CAMK1D: variants seen among roughly 807,000 people sequenced by gnomAD.
CAMK1D encodes the protein calcium/calmodulin dependent protein kinase ID.
CAMK1D carries 9 observed loss-of-function variants against 47.7 expected under a neutral mutation model. That is an observed-to-expected ratio of 0.19 (90% CI 0.11 to 0.33). CAMK1D has a LOEUF of 0.33. Among genes scored for constraint, CAMK1D ranks in the 10% least tolerant of loss-of-function variants. The pLI, the probability that CAMK1D is intolerant of heterozygous loss-of-function variation, is 1.00. For missense variants in CAMK1D, 291 were observed against 488.7 expected (o/e 0.60, Z 3.81); for synonymous variants, 184 against 184.9 (o/e 0.99, Z 0.04).
At chr10:12,387,383 A>G (rs1402851570) in intron 1 of CAMK1D, among the ~76,000 whole-genome samples, 1 of 34,234 alleles carries the variant, frequency 2.9e-5, no homozygotes, top group Non-Finnish European at 1.1e-4. Context: ...ATTATATATT[A>G]TATATATTAT....
intron 2 of CAMK1D, among the ~76,000 whole-genome samples, chr10:12,555,599 T>C (rs1441366390): frequency 6.6e-6 from 1 of 152,236 alleles, no homozygotes; most frequent in Non-Finnish European, 1.5e-5. Flanking sequence ...TTTAAATTGC[T>C]CATTTTCCAA....
chr10:12,467,416 G>C (rs1170638751), intron 1 of CAMK1D, among the ~76,000 whole-genome samples: 1 of 152,116 alleles, frequency 6.6e-6, no homozygotes, highest in Non-Finnish European at 1.5e-5. Context: ...GTCTCCCAAA[G>C]TACTGGGATT....
chr10:12,828,708 G>A, intron 10 of CAMK1D, 61 bp from the exon 11 acceptor site: 1 of 1,409,762 alleles, frequency 7.1e-7, no homozygotes. Flanking sequence ...ACCTGGCAGT[G>A]GGAAGCAGGG....
intron 2 of CAMK1D, among the ~76,000 whole-genome samples, chr10:12,558,787 C>G (rs1836845928): frequency 6.6e-6 from 1 of 152,152 alleles, no homozygotes; most frequent in Non-Finnish European, 1.5e-5. Flanking sequence ...CTGAATGAAA[C>G]ATGGCACCAG....
At chr10:12,417,673 A>T (rs1839902394) in intron 1 of CAMK1D, among the ~76,000 whole-genome samples, 1 of 152,092 alleles carries the variant, frequency 6.6e-6, no homozygotes, top group Non-Finnish European at 1.5e-5. Context: ...GGGAGGCCCG[A>T]GGCTGGCCAT....
chr10:12,360,460 G>A (rs1278201997), intron 1 of CAMK1D, among the ~76,000 whole-genome samples: 2 of 152,242 alleles, frequency 1.3e-5, no homozygotes, highest in East Asian at 3.9e-4. Flanking sequence ...AGCGTCCCCT[G>A]CCCCCAAATA....
At chr10:12,802,812 C>G (rs780872094) in intron 6 of CAMK1D, among the ~76,000 whole-genome samples, 1 of 152,298 alleles carries the variant, frequency 6.6e-6, no homozygotes, top group East Asian at 1.9e-4. Context: ...GAGTCCCCGC[C>G]CCCGGCCTGC....
At chr10:12,781,491 C>T (rs1223920861) in intron 5 of CAMK1D, among the ~76,000 whole-genome samples, 3 of 152,138 alleles carry the variant, frequency 2.0e-5, no homozygotes, top group African/African-American at 7.2e-5. Context: ...CTTAGCCTCA[C>T]TCCTCCATGA....
At chr10:12,482,312 C>G (rs191086837) in intron 1 of CAMK1D, among the ~76,000 whole-genome samples, 1 of 152,122 alleles carries the variant, frequency 6.6e-6, no homozygotes, top group African/African-American at 2.4e-5. Flanking sequence ...AGGCCCTTCC[C>G]GCAGGTCACC....
intron 1 of CAMK1D, among the ~76,000 whole-genome samples, chr10:12,461,327 C>T (rs183100611): frequency 4.6e-5 from 7 of 152,226 alleles, no homozygotes; most frequent in East Asian, 3.9e-4. Context: ...TAAGAAAGGA[C>T]GAAGGGCAGT....
chr10:12,535,631 A>G (rs774712771), intron 1 of CAMK1D, among the ~76,000 whole-genome samples: 21 of 152,180 alleles, frequency 1.4e-4, no homozygotes, highest in Non-Finnish European at 2.9e-4. Context: ...GCAAACATGG[A>G]CAGGTTTACT....
At chr10:12,628,414 A>G (rs180682719) in intron 2 of CAMK1D, among the ~76,000 whole-genome samples, 99 of 152,242 alleles carry the variant, frequency 6.5e-4, no homozygotes, top group African/African-American at 2.3e-3. Context: ...TCTAATTAAT[A>G]ACTTTGTCTT....
chr10:12,408,643 G>A (rs771320924), intron 1 of CAMK1D, among the ~76,000 whole-genome samples: 1 of 152,068 alleles, frequency 6.6e-6, no homozygotes, highest in Non-Finnish European at 1.5e-5. Flanking sequence ...TCAGGTTCAG[G>A]TGGGTGTGGC....
chr10:12,365,158 G>C (rs1837794052), intron 1 of CAMK1D, among the ~76,000 whole-genome samples: 1 of 152,012 alleles, frequency 6.6e-6, no homozygotes, highest in South Asian at 2.1e-4. Flanking sequence ...GTTTCACCAT[G>C]TTGGCCGGGC....
At chr10:12,808,980 G>C (rs1196610482) in intron 6 of CAMK1D, among the ~76,000 whole-genome samples, 1 of 151,922 alleles carries the variant, frequency 6.6e-6, no homozygotes, top group African/African-American at 2.4e-5. Context: ...AGCCAGGTGT[G>C]GTGGTGTGCA....
At chr10:12,492,629 A>G (rs1442834851) in intron 1 of CAMK1D, among the ~76,000 whole-genome samples, 1 of 152,206 alleles carries the variant, frequency 6.6e-6, no homozygotes, top group Non-Finnish European at 1.5e-5. Context: ...CCTCATCTCA[A>G]ATGAAATAAA....
intron 2 of CAMK1D, among the ~76,000 whole-genome samples, chr10:12,561,562 C>G (rs1836945021): frequency 6.6e-6 from 1 of 152,134 alleles, no homozygotes; most frequent in Non-Finnish European, 1.5e-5. Flanking sequence ...CTGAACTTTC[C>G]CCTAAGTCCG....
At chr10:12,723,898 A>G (rs1043751143) in intron 3 of CAMK1D, among the ~76,000 whole-genome samples, 7 of 152,140 alleles carry the variant, frequency 4.6e-5, no homozygotes, top group Middle Eastern at 3.4e-3. Flanking sequence ...TCCTAATGCT[A>G]TCCCTCCCCA....
At chr10:12,627,009 C>T (rs892509762) in intron 2 of CAMK1D, among the ~76,000 whole-genome samples, 16 of 151,790 alleles carry the variant, frequency 1.1e-4, no homozygotes, top group Non-Finnish European at 1.6e-4. Flanking sequence ...CTTGCTTGAA[C>T]CTCTTTTGTT....
Sources: allele counts gnomAD v4.1 joint callset (sites outside exome capture counted in the v4.1 genomes callset), GRCh38; gene constraint gnomAD v4.1.1; transcripts MANE v1.5; gene names NCBI Gene and HGNC (gene_info 2026-07-23, HGNC 2026-07-21).